Variants in ZNF653 observed in about 807,000 individuals in gnomAD.
ZNF653 encodes zinc finger protein 653.
In ZNF653, 37 loss-of-function variants were observed where a neutral mutation model predicts 59.9. That is an observed-to-expected ratio of 0.62 (90% CI 0.48 to 0.81). The LOEUF (loss-of-function observed/expected upper bound fraction) is 0.81, where lower values mean the gene tolerates loss of function less well. Among genes scored for constraint, ZNF653 ranks in the 40% least tolerant of loss-of-function variants. The pLI is 0.00. For missense variants in ZNF653, 808 were observed against 881.1 expected, an observed-to-expected ratio of 0.92 and a Z score of 1.05; for synonymous variants, 435 against 371.8, an observed-to-expected ratio of 1.17 and a Z score of -1.96.
At chr19:11,499,781 A>T (rs1188145182) in intron 1 of ZNF653, among the ~76,000 whole-genome samples, 3 of 151,580 alleles carry the variant, frequency 2.0e-5, no homozygotes, top group African/African-American at 7.3e-5. Context: ...GCGGGGTGGC[A>T]TGCACCTGTA....
intron 1 of ZNF653, among the ~76,000 whole-genome samples, chr19:11,499,122 G>A (rs568228017): frequency 6.6e-6 from 1 of 152,288 alleles, no homozygotes; most frequent in South Asian, 2.1e-4. Flanking sequence ...GCCCTGGGAG[G>A]GGGCTCTAGC....
intron 3 of ZNF653, among the ~76,000 whole-genome samples, chr19:11,490,741 C>G (rs949203509): frequency 2.0e-5 from 3 of 152,108 alleles, no homozygotes; most frequent in Non-Finnish European, 2.9e-5. Context: ...GTGATTCCAT[C>G]TGCAGCTTCT....
chr19:11,497,571 T>C (rs1466867296), intron 2 of ZNF653, among the ~76,000 whole-genome samples: 1 of 152,144 alleles, frequency 6.6e-6, no homozygotes, highest in East Asian at 1.9e-4. Flanking sequence ...GGGCACACAG[T>C]GAGTGCTGGG....
At chr19:11,504,379 C>G in intron 1 of ZNF653, 2 of 301,900 alleles carry the variant, frequency 6.6e-6, no homozygotes, top group Non-Finnish European at 9.7e-6. Flanking sequence ...CCAGCCTGGG[C>G]GACAGAGCAA....
Position 11,485,709 on chromosome 19 carries a change from C to A in ZNF653, c.1517G>T (p.Gly506Val). Residue 506 changes from glycine (G) to valine (V), a missense_variant, in exon 7 of 9, where the codon GGC (glycine) becomes GTC (valine). Coordinates refer to ENST00000293771, the MANE Select transcript of ZNF653 (RefSeq NM_138783.4). ...KTKVCPHPGCGKKFYLSNHLR... is the reference protein window; with the variant it reads ...KTKVCPHPGCVKKFYLSNHLR... ...GTGGTTGGATAAATAGAACTTCTTG[C>A]CACAGCCAGGATGAGGGCACACTTT... is the stretch of plus-strand genomic sequence containing the variant. The A allele has an allele frequency of 6.2e-7, 1 of 1,614,068 alleles. No homozygotes were observed. Among genetic ancestry groups the A allele is most frequent in the Non-Finnish European group, 8.5e-7 (1 of 1,179,976 alleles).
rs1342281674 is a variant in ZNF653, at chr19:11,486,764, C to G, written c.1455+5G>C. ...GGCCCAGGCTGCTCCGGGTGGCGGC[C>G]TCACCTGGAAGCTGCTGAGGGCCAC... On this transcript the variant is annotated splice_donor_5th_base_variant and intron_variant, in intron 6 of 8. Transcript: ENST00000293771. 1 of 1,599,464 alleles carries G rather than the reference C, an allele frequency of 6.3e-7. No homozygotes were observed. Among genetic ancestry groups the G allele is most frequent in the East Asian group, 2.3e-5 (1 of 43,732 alleles).
Position 11,483,830 on chromosome 19 carries a change from T to G in ZNF653, c.1700A>C (p.Gln567Pro). The stretch of plus-strand genomic sequence containing the variant: ...CATGTGCCAGTTGAGCGACGCGCGC[T>G]GCCGGCACTGGTAGCCACAGATCTC... ...QCEICGYQCRQRASLNWHMKK... is the reference protein window; with the variant it reads ...QCEICGYQCRPRASLNWHMKK... The change falls in exon 9 of 9, where the codon CAG becomes CCG. Residue 567 changes from glutamine (Q) to proline (P), a missense_variant. By Grantham distance (76) the Gln-to-Pro change is moderately conservative. Transcript: ENST00000293771. 6.6e-7 allele frequency: 1 copy of G among 1,514,536 alleles called. No individual in the cohort carries two copies. The highest frequency in any genetic ancestry group is 8.9e-7 in the Non-Finnish European group (1 of 1,122,372). 93.8% of individuals were successfully genotyped at this position (1,514,536 alleles called of 1,614,324 possible). A position where few individuals can be genotyped will look rare whatever the true frequency, so the allele number is the denominator to read the frequency against.
intron 3 of ZNF653, among the ~76,000 whole-genome samples, chr19:11,488,307 G>A (rs1971493523): frequency 6.6e-6 from 1 of 151,804 alleles, no homozygotes; most frequent in South Asian, 2.1e-4. Context: ...GTGCCGCCAT[G>A]CCCGGCTAAT....
rs374112767 is a variant in ZNF653 at position 11,495,975 on chromosome 19, G to A, written c.534C>T (p.Ser178=). 3.5e-5 allele frequency: 56 copies of A among 1,613,994 alleles called. No individual in the cohort carries two copies. Among genetic ancestry groups the A allele is most frequent in the South Asian group, 1.5e-4 (14 of 91,080 alleles). Residue 178 remains serine (S), a synonymous_variant, in exon 3 of 9, where the codon AGC becomes AGT. Transcript: ENST00000293771. The surrounding 1 kb of genome is among the most constrained non-coding windows in gnomAD (Gnocchi z 4.9). ...CTTTGTCACTGTCAGGGTCTGAGTCGCTGAGGGGCTTCAGGGGCGAATGCA... is the reference window on the plus strand; with the variant it reads ...CTTTGTCACTGTCAGGGTCTGAGTCACTGAGGGGCTTCAGGGGCGAATGCA... ...QDLHSPLKPL[S]DSDPDSDKVG... is the part of the protein sequence containing the mutation.
In ZNF653 at chr19:11,505,767, TCTAGCG is replaced by T; in HGVS notation, c.14_19del (p.Ala5_Leu6del). Reference sequence around the variant, plus strand: ...CTCAGCCTCCGCCTCCGCCTCGGGCTCTAGCGCCCGCTCCGCCATCCCCCCCACCCT... The same window carrying T: ...CTCAGCCTCCGCCTCCGCCTCGGGCTCCCGCTCCGCCATCCCCCCCACCCT... On this transcript the variant is annotated inframe_deletion, in exon 1 of 9. Transcript: ENST00000293771. The T allele has an allele frequency of 7.2e-7, 1 of 1,391,914 alleles. No individual in the cohort carries two copies. The highest frequency in any genetic ancestry group is 9.2e-7 in the Non-Finnish European group (1 of 1,084,078). The allele number at this position is 1,391,914 out of a possible 1,614,324, so 86.2% of individuals were successfully genotyped here. A position where few individuals can be genotyped will look rare whatever the true frequency, so the allele number is the denominator to read the frequency against.
chr19:11,499,292 C>T (rs1026620203), intron 1 of ZNF653, among the ~76,000 whole-genome samples: 2 of 152,222 alleles, frequency 1.3e-5, no homozygotes, highest in Non-Finnish European at 2.9e-5. Context: ...GGGACACATG[C>T]CCTGTGTGAT....
At chr19:11,488,952 T>C (rs904959213) in intron 3 of ZNF653, among the ~76,000 whole-genome samples, 1 of 151,088 alleles carries the variant, frequency 6.6e-6, no homozygotes, top group African/African-American at 2.4e-5. Context: ...CAGGCTGGAG[T>C]GCAATGGTGC....
At chr19:11,501,651 A>G (rs645584) in intron 1 of ZNF653, among the ~76,000 whole-genome samples, 31,040 of 152,108 alleles carry the variant, frequency 0.2, 5,120 homozygotes, top group African/African-American at 0.46. Flanking sequence ...TGGACATGGC[A>G]GACACTTCCT....
chr19:11,492,718 C>T (rs555862868), intron 3 of ZNF653, among the ~76,000 whole-genome samples: 175 of 152,284 alleles, frequency 1.1e-3, no homozygotes, highest in Non-Finnish European at 1.9e-3. Context: ...CGTAAGGTTG[C>T]GGGGTCCCGG....
intron 1 of ZNF653, among the ~76,000 whole-genome samples, chr19:11,503,628 G>T (rs1179767386): frequency 2.0e-5 from 3 of 151,702 alleles, no homozygotes; most frequent in Non-Finnish European, 2.9e-5. Context: ...GCAACATGGC[G>T]AGACCCCCAT....
intron 3 of ZNF653, among the ~76,000 whole-genome samples, chr19:11,492,082 C>T (rs1029442555): frequency 4.0e-5 from 6 of 151,498 alleles, no homozygotes; most frequent in African/African-American, 9.7e-5. Flanking sequence ...GAGTTTTGCT[C>T]GTTACCCAGG....
At chr19:11,485,943 G>A (rs1033482218) in intron 6 of ZNF653, among the ~76,000 whole-genome samples, 173 bp from the exon 7 acceptor site, 6 of 151,790 alleles carry the variant, frequency 4.0e-5, no homozygotes, top group African/African-American at 1.5e-4. Flanking sequence ...GGGGTCAAAG[G>A]GTAGCTTTAT....
At chr19:11,485,004 C>T (rs538073435) in intron 7 of ZNF653, among the ~76,000 whole-genome samples, 2 of 151,400 alleles carry the variant, frequency 1.3e-5, no homozygotes, top group South Asian at 2.1e-4. Flanking sequence ...GAGCCAAGAT[C>T]GGATTCCAGC....
At chr19:11,505,430 G>A (rs1971705495) in intron 1 of ZNF653, 58 bp downstream of exon 1, 2 of 1,370,010 alleles carry the variant, frequency 1.5e-6, no homozygotes, top group Non-Finnish European at 1.9e-6. Flanking sequence ...GCGGGGTAAA[G>A]CCCGGCGGGG....
Sources: gnomAD v4.1 joint callset for allele counts (sites outside exome capture counted in the v4.1 genomes callset) on GRCh38, gnomAD v4.1.1 for gene constraint, Gnocchi (gnomAD v3.1) non-coding constraint, MANE v1.5 for transcripts, NCBI Gene and HGNC (gene_info 2026-07-23, HGNC 2026-07-21) for gene names.